WDR49: variants seen among roughly 807,000 people sequenced by gnomAD.
The protein encoded by WDR49 is WD repeat domain 49.
Under a neutral mutation model 119.5 loss-of-function variants are expected in WDR49, and 107 were observed. The ratio of observed to expected loss-of-function variants is 0.90; its 90% CI spans 0.77 to 1.05. WDR49 has a LOEUF of 1.05. WDR49 is among the 50% of genes least tolerant of loss of function. The pLI is 0.00. For synonymous variants in WDR49, 425 were observed against 418.8 expected, an observed-to-expected ratio of 1.01 and a Z score of -0.18; for missense variants, 1,240 against 1,220.5, an observed-to-expected ratio of 1.02 and a Z score of -0.24.
chr3:167,635,491 T>G (rs565411055), intron 2 of WDR49, among the ~76,000 whole-genome samples: 50 of 151,824 alleles, frequency 3.3e-4, no homozygotes, highest in Non-Finnish European at 6.5e-4. Context: ...AGAAATGTTG[T>G]TTATATTTTT....
chr3:167,586,265 A>G (rs1714808456), intron 7 of WDR49, among the ~76,000 whole-genome samples: 1 of 152,080 alleles, frequency 6.6e-6, no homozygotes, highest in Non-Finnish European at 1.5e-5. Context: ...AGAGAGTTTG[A>G]CATAGGCTTC....
At chr3:167,523,019 T>C (rs1408474112) in intron 15 of WDR49, among the ~76,000 whole-genome samples, 1 of 152,150 alleles carries the variant, frequency 6.6e-6, no homozygotes, top group Non-Finnish European at 1.5e-5. Context: ...ACAATCTATT[T>C]TATGTTTTAA....
In WDR49 at chr3:167,637,325, G is replaced by T. The variant is rs887950880; in HGVS notation, c.166-10033C>A. On this transcript the variant is annotated intron_variant, in intron 2 of 18. Transcript: ENST00000682715. ...TGTAAGTATTTGTCTTTATTTCTGG[G>T]TTATCTATTCTGTTCTGTTGGTCTA... Among the ~76,000 whole-genome samples, 8 of 151,708 alleles carry T rather than the reference G, an allele frequency of 5.3e-5. No individual in the cohort carries two copies. The East Asian group carries it at 5.8e-4, about 11-fold the overall frequency.
intron 7 of WDR49, among the ~76,000 whole-genome samples, chr3:167,594,146 G>T (rs1157243736): frequency 6.6e-6 from 1 of 152,156 alleles, no homozygotes; most frequent in African/African-American, 2.4e-5. Flanking sequence ...CTGCTATAAA[G>T]ATACCTGGAA....
At chr3:167,631,483 A>G (rs1559925136) in intron 2 of WDR49, among the ~76,000 whole-genome samples, 1 of 152,020 alleles carries the variant, frequency 6.6e-6, no homozygotes, top group Admixed American at 6.6e-5. Flanking sequence ...TGCCACGAGT[A>G]TTGATTTGGG....
chr3:167,525,488 T>G (rs952382326), intron 15 of WDR49, among the ~76,000 whole-genome samples: 2 of 152,118 alleles, frequency 1.3e-5, no homozygotes, highest in African/African-American at 4.8e-5. Context: ...TGTGGGCAAC[T>G]AAATCAAATT....
chr3:167,503,850 G>A (rs186996577), intron 17 of WDR49, among the ~76,000 whole-genome samples: 301 of 152,344 alleles, frequency 2.0e-3, no homozygotes, highest in African/African-American at 6.9e-3. Context: ...GGTGGTTGCC[G>A]TTGCCGGCTC....
At chr3:167,541,696 A>G (rs2108253443) in intron 10 of WDR49, among the ~76,000 whole-genome samples, 1 of 152,260 alleles carries the variant, frequency 6.6e-6, no homozygotes, top group African/African-American at 2.4e-5. Context: ...ACAGTACCTC[A>G]CGTCTCAATA....
intron 7 of WDR49, among the ~76,000 whole-genome samples, chr3:167,596,870 TAATA>T (rs200934043): frequency 1.0e-3 from 148 of 141,344 alleles, no homozygotes; most frequent in Middle Eastern, 7.6e-3. Flanking sequence ...TAAAGTATAA[TAATA>T]AATAAATAAA....
chr3:167,536,046 C>T (rs1753008965), intron 11 of WDR49, among the ~76,000 whole-genome samples: 1 of 151,854 alleles, frequency 6.6e-6, no homozygotes, highest in Non-Finnish European at 1.5e-5. Context: ...CTCATAAAAG[C>T]AGAGTAGAAC....
At chr3:167,501,394 A>G (rs1751558927) in intron 17 of WDR49, among the ~76,000 whole-genome samples, 1 of 152,240 alleles carries the variant, frequency 6.6e-6, no homozygotes, top group Non-Finnish European at 1.5e-5. Context: ...AGGTATAACA[A>G]TAACAACATT....
chr3:167,516,485 A>C (rs948320857), intron 16 of WDR49, among the ~76,000 whole-genome samples: 6 of 152,076 alleles, frequency 3.9e-5, no homozygotes, highest in African/African-American at 1.2e-4. Context: ...ACATTTTCTT[A>C]ATCAAGTCTA....
chr3:167,606,985 C>T (rs1377464405), intron 5 of WDR49, among the ~76,000 whole-genome samples: 1 of 152,026 alleles, frequency 6.6e-6, no homozygotes, highest in Non-Finnish European at 1.5e-5. Flanking sequence ...CAGGGACAGC[C>T]ATGTAAAAAT....
chr3:167,521,709 G>T (rs1577214551), intron 16 of WDR49, among the ~76,000 whole-genome samples: 1 of 152,102 alleles, frequency 6.6e-6, no homozygotes, highest in Non-Finnish European at 1.5e-5. Context: ...TAGCATGAAA[G>T]TTAAGTTATG....
chr3:167,531,707 A>G (rs1752857682), intron 12 of WDR49, among the ~76,000 whole-genome samples: 1 of 152,154 alleles, frequency 6.6e-6, no homozygotes, highest in Admixed American at 6.5e-5. Context: ...CTTTTTAACA[A>G]TACTATTTGT....
Position 167,621,608 on chromosome 3 carries a change from G to A in WDR49, c.642C>T (p.Phe214=). 2 of 1,534,252 alleles carry A rather than the reference G, an allele frequency of 1.3e-6. No homozygotes were observed. The highest frequency in any genetic ancestry group is 2.4e-5 in the South Asian group (2 of 83,730). The change falls in exon 4 of 19, where the codon TTC becomes TTT. Residue 214 remains phenylalanine, a synonymous_variant. Transcript: ENST00000682715. The part of the protein sequence containing the change: ...AVAFTSKEVC[F]YDLLSKEEFA... ...ATTCTTCTTTGGACAGCAGATCATA[G>A]AAACAAACCTCTTTACTTGTAAAAG...
chr3:167,655,471 A>G (rs556183599), upstream of WDR49, among the ~76,000 whole-genome samples: 4 of 152,298 alleles, frequency 2.6e-5, no homozygotes, highest in South Asian at 8.3e-4. Flanking sequence ...GGTGTTCACT[A>G]GAGGCATGGT....
chr3:167,502,173 A>ATGT (rs1560253955), intron 17 of WDR49, among the ~76,000 whole-genome samples: 1 of 152,116 alleles, frequency 6.6e-6, no homozygotes, highest in Non-Finnish European at 1.5e-5. Flanking sequence ...TCACCATGTG[A>ATGT]TGTTGCCTGC....
chr3:167,641,635 T>A lies in WDR49; in HGVS notation c.165+11626A>T, dbSNP rs73173060. ...TATTAACTTGGAAGTCCTATGTAGA[T>A]AGTTCAAATCAACATGTTAAATAAC... On this transcript the variant is annotated intron_variant, in intron 2 of 18. Coordinates refer to ENST00000682715, the MANE Select transcript of WDR49 (RefSeq NM_001366157.1). 1.4e-3 allele frequency among the ~76,000 whole-genome samples: 207 copies of A among 152,114 alleles called. 1 individual carries two copies. The highest frequency in any genetic ancestry group is 2.3e-3 in the Admixed American group (35 of 15,238).
Sources: gnomAD v4.1 joint callset for allele counts (sites outside exome capture counted in the v4.1 genomes callset) on GRCh38, gnomAD v4.1.1 for gene constraint, MANE v1.5 for transcripts, NCBI Gene and HGNC (gene_info 2026-07-23, HGNC 2026-07-21) for gene names.